Variants in MYH11 observed in about 807,000 individuals in gnomAD.
MYH11 encodes the protein myosin heavy chain 11.
In MYH11, 80 loss-of-function variants were observed where a neutral mutation model predicts 246.6. The ratio of observed to expected loss-of-function variants is 0.32; its 90% CI spans 0.27 to 0.39. The LOEUF (loss-of-function observed/expected upper bound fraction) is 0.39, where lower values mean the gene tolerates loss of function less well. Ranked by LOEUF, MYH11 falls within the 10% of genes least tolerant of loss-of-function variation. The pLI, the probability that MYH11 is intolerant of heterozygous loss-of-function variation, is 1.00. For synonymous variants in MYH11, 1,071 were observed against 1,015.5 expected, an observed-to-expected ratio of 1.05 and a Z score of -1.04; for missense variants, 2,158 against 2,546.8, an observed-to-expected ratio of 0.85 and a Z score of 3.29.
intron 4 of MYH11, among the ~76,000 whole-genome samples, chr16:15,797,356 C>T (rs1053540837): frequency 6.6e-5 from 10 of 152,116 alleles, no homozygotes; most frequent in Admixed American, 2.0e-4. Flanking sequence ...AAGACACACA[C>T]GGTTACATTA....
intron 5 of MYH11, chr16:15,786,257 C>A (rs563082897): frequency 1.3e-4 from 52 of 385,232 alleles, no homozygotes; most frequent in African/African-American, 9.2e-4. Context: ...GGGTCGAGGC[C>A]AGGGATGTTG....
chr16:15,852,483 C>T (rs892142986), intron 1 of MYH11, among the ~76,000 whole-genome samples: 1 of 151,818 alleles, frequency 6.6e-6, no homozygotes, highest in African/African-American at 2.4e-5. Flanking sequence ...CAGGTGCCCA[C>T]GACCATGCCC....
rs1223452979 is a variant in MYH11, at chr16:15,740,193, G to A, written c.2860-5C>T. 3.1e-6 allele frequency: 5 copies of A among 1,614,052 alleles called. No homozygotes were observed. Among genetic ancestry groups the A allele is most frequent in the Non-Finnish European group, 8.5e-7 (1 of 1,180,038 alleles). On this transcript the variant is annotated splice_region_variant and splice_polypyrimidine_tract_variant and intron_variant, in intron 22 of 40. Coordinates refer to ENST00000300036, the MANE Select transcript of MYH11 (RefSeq NM_002474.3). ...CTCCAGCTGTTCTTCAAGGTCCTTT[G>A]TTGTGGAGGGAAAAGAGTAACAGCT...
intron 1 of MYH11, among the ~76,000 whole-genome samples, chr16:15,851,246 C>A (rs1339365713): frequency 6.6e-6 from 1 of 152,074 alleles, no homozygotes; most frequent in Non-Finnish European, 1.5e-5. Context: ...TCTAAATGCA[C>A]CTGCTTGGCA....
chr16:15,757,193 G>A (rs564656182), intron 13 of MYH11, among the ~76,000 whole-genome samples: 1 of 150,310 alleles, frequency 6.7e-6, no homozygotes, highest in African/African-American at 2.4e-5. Context: ...GTCTCACTCT[G>A]TTATCCAGGC....
chr16:15,718,494 C>A (rs573046773), intron 36 of MYH11, 56 bp from the exon 37 acceptor site: 3 of 1,534,532 alleles, frequency 2.0e-6, no homozygotes, highest in East Asian at 2.4e-5. Flanking sequence ...TTAAAAGATG[C>A]CCCCTCCTTG....
chr16:15,779,020 G>A, intron 6 of MYH11, 177 bp from the exon 7 acceptor site: 1 of 697,546 alleles, frequency 1.4e-6, no homozygotes, highest in Non-Finnish European at 2.6e-6. Context: ...CTGCTGAGCT[G>A]AAACCACCCC....
chr16:15,723,691 G>C (rs764225958), intron 31 of MYH11, among the ~76,000 whole-genome samples: 8 of 152,146 alleles, frequency 5.3e-5, no homozygotes, highest in Non-Finnish European at 1.2e-4. Context: ...GTCAATGACT[G>C]AATCCAGGTG....
At chr16:15,743,300 C>G (rs2041325978) in intron 20 of MYH11, among the ~76,000 whole-genome samples, 1 of 152,166 alleles carries the variant, frequency 6.6e-6, no homozygotes, top group Non-Finnish European at 1.5e-5. Flanking sequence ...TCCTGAGTAG[C>G]TGGGATTACA....
chr16:15,753,610 G>A, intron 14 of MYH11, 102 bp from the exon 15 acceptor site: 1 of 898,916 alleles, frequency 1.1e-6, no homozygotes. Context: ...ATCTTCTGAG[G>A]TCAGAGAGGA....
intron 23 of MYH11, 71 bp from the exon 24 acceptor site, chr16:15,738,759 T>C: frequency 6.5e-7 from 1 of 1,547,748 alleles, no homozygotes; most frequent in Admixed American, 1.7e-5. Flanking sequence ...TCACTTTTAG[T>C]GATTTCCATG....
chr16:15,707,428 G>A (rs369032907), intron 40 of MYH11, among the ~76,000 whole-genome samples: 23 of 152,130 alleles, frequency 1.5e-4, no homozygotes, highest in East Asian at 7.7e-4. Context: ...GTTTCCCACT[G>A]ACCAGTGGGT....
chr16:15,717,576 C>G (rs2040229314), intron 37 of MYH11: 1 of 597,348 alleles, frequency 1.7e-6, no homozygotes, highest in Non-Finnish European at 3.0e-6. Context: ...AGGTAAATCA[C>G]TTGAGCTCAG....
intron 13 of MYH11, among the ~76,000 whole-genome samples, chr16:15,756,882 T>G (rs1244027957): frequency 7.1e-6 from 1 of 141,818 alleles, no homozygotes; most frequent in Admixed American, 7.5e-5. Context: ...CACTGCAAGC[T>G]CCGCTTCCTG....
chr16:15,717,643 A>T (rs1302343370), intron 37 of MYH11: 4 of 505,230 alleles, frequency 7.9e-6, no homozygotes, highest in Non-Finnish European at 1.4e-5. Context: ...AAAAATACAA[A>T]AATTAGCCGG....
Position 15,704,023 on chromosome 16 carries a change from C to G in MYH11, c.5887G>C (p.Ala1963Pro). Residue 1963 changes from alanine to proline, a missense_variant, in exon 41 of 41, where the codon GCA becomes CCA. Ala to Pro is a conservative substitution (Grantham distance 27). This residue lies in a region of MYH11 where 1,013 missense variants were observed against 993.5 expected (regional missense o/e 1.02). Coordinates refer to ENST00000300036, the MANE Select transcript of MYH11 (RefSeq NM_002474.3). The part of the protein sequence containing the change: ...GSEEETDTRD[A>P]DFNGTKASE Reference sequence around the variant, plus strand: ...CTGGCCTTGGTTCCATTGAAGTCTGCGTCTCGAGTGTCCGTTTCCTCCTCA... The same window carrying G: ...CTGGCCTTGGTTCCATTGAAGTCTGGGTCTCGAGTGTCCGTTTCCTCCTCA... The G allele has an allele frequency of 6.2e-7, 1 of 1,614,044 alleles. No individual in the cohort carries two copies. The highest frequency in any genetic ancestry group is 1.7e-5 in the Admixed American group (1 of 59,980).
intron 36 of MYH11, 47 bp downstream of exon 36, chr16:15,719,173 C>T (rs1403037497): frequency 6.5e-7 from 1 of 1,548,146 alleles, no homozygotes; most frequent in Non-Finnish European, 8.9e-7. Context: ...GCTGCCTGTC[C>T]CCCCATCCTC....
intron 2 of MYH11, among the ~76,000 whole-genome samples, chr16:15,834,825 C>T (rs919012059): frequency 2.0e-5 from 3 of 151,724 alleles, no homozygotes; most frequent in African/African-American, 4.8e-5. Flanking sequence ...ATCCCAGCGC[C>T]GTGAAAAGTC....
At chr16:15,779,549 T>C (rs1186588884) in intron 6 of MYH11, 1 of 155,586 alleles carries the variant, frequency 6.4e-6, no homozygotes, top group Non-Finnish European at 1.4e-5. Context: ...AAAGAAGGTT[T>C]TTCCATATTC....
Sources: gnomAD v4.1 joint callset for allele counts (sites outside exome capture counted in the v4.1 genomes callset) on GRCh38, gnomAD v4.1.1 for gene constraint, gnomAD v4.1.1 regional missense constraint, MANE v1.5 for transcripts, NCBI Gene and HGNC (gene_info 2026-07-23, HGNC 2026-07-21) for gene names.